MTUS1: variants seen among roughly 807,000 people sequenced by gnomAD.
MTUS1 encodes the protein microtubule associated scaffold protein 1, also known as microtubule-associated tumor suppressor 1.
MTUS1 carries 109 observed loss-of-function variants against 120.8 expected under a neutral mutation model. The ratio of observed to expected loss-of-function variants is 0.90; its 90% confidence interval spans 0.77 to 1.06. The LOEUF (loss-of-function observed/expected upper bound fraction) is 1.06, where lower values mean the gene tolerates loss of function less well. Ranked by LOEUF, MTUS1 falls within the 50% of genes least tolerant of loss-of-function variation. The pLI, the probability that MTUS1 is intolerant of heterozygous loss-of-function variation, is 0.00. For missense variants in MTUS1, 2,210 were observed against 1,486.3 expected, an observed-to-expected ratio of 1.49 and a Z score of -8.01; for synonymous variants, 737 against 550.5, an observed-to-expected ratio of 1.34 and a Z score of -4.74.
intron 6 of MTUS1, among the ~76,000 whole-genome samples, chr8:17,690,193 A>G (rs993991288): frequency 6.6e-6 from 1 of 152,166 alleles, no homozygotes; most frequent in African/African-American, 2.4e-5. Context: ...TACAACCCCA[A>G]TAAAAAATGG....
chr8:17,659,928 C>T (rs989608458), intron 8 of MTUS1, among the ~76,000 whole-genome samples: 2 of 152,138 alleles, frequency 1.3e-5, no homozygotes, highest in East Asian at 3.9e-4. Flanking sequence ...TACTTTCTTT[C>T]TCTATGAATC....
chr8:17,663,367 C>T (rs368420849), intron 8 of MTUS1, among the ~76,000 whole-genome samples: 3 of 152,166 alleles, frequency 2.0e-5, no homozygotes, highest in African/African-American at 7.2e-5. Flanking sequence ...AGCCATGGCC[C>T]GACATTGTTA....
chr8:17,783,266 G>C (rs549757497), intron 1 of MTUS1, among the ~76,000 whole-genome samples: 3 of 152,328 alleles, frequency 2.0e-5, no homozygotes, highest in Non-Finnish European at 4.4e-5. Flanking sequence ...GTGAAGGTGA[G>C]TGAGGTGTTC....
At chr8:17,697,242 C>G (rs887650401) in intron 6 of MTUS1, 2 of 1,600,124 alleles carry the variant, frequency 1.2e-6, no homozygotes, top group African/African-American at 2.7e-5. Flanking sequence ...AAACAGAGAT[C>G]TATGCGAGAC....
Position 17,648,411 on chromosome 8 carries a change from T to C in MTUS1, c.3502-1332A>G, listed in dbSNP as rs147215689. ...GGTAAGTTTACAGCAAAGTCTGATT[T>C]ATTGCACATGATTTTTTGAAAGTTT... On this transcript the variant is annotated intron_variant, in intron 13 of 14. Coordinates refer to ENST00000693296, the MANE Select transcript of MTUS1 (RefSeq NM_001363059.2). 1.8e-3 allele frequency among the ~76,000 whole-genome samples: 273 copies of C among 152,310 alleles called. 1 individual carries two copies. Among genetic ancestry groups the C allele is most frequent in the African/African-American group, 6.4e-3 (264 of 41,556 alleles).
chr8:17,784,336 C>T (rs1159176382), intron 1 of MTUS1, among the ~76,000 whole-genome samples: 1 of 131,228 alleles, frequency 7.6e-6, no homozygotes, highest in African/African-American at 3.0e-5. Context: ...ACTCTTGTTG[C>T]CCAGGCTAGA....
In MTUS1 at chr8:17,773,676, G is replaced by A. The variant is rs80090533; in HGVS notation, c.-154-17715C>T. On this transcript the variant is annotated intron_variant, in intron 1 of 14. Transcript: ENST00000693296. ...TTAGGAAGCCACCAGTCCCATCATG[G>A]GGTCCACACCTGATGAAATTATCTA... is the stretch of plus-strand genomic sequence containing the variant. 4.9e-3 allele frequency among the ~76,000 whole-genome samples: 740 copies of A among 152,154 alleles called. 3 individuals carry two copies. Among genetic ancestry groups the A allele is most frequent in the Non-Finnish European group, 4.9e-3 (331 of 68,014 alleles).
chr8:17,724,211 T>TAAA, intron 3 of MTUS1: 1 of 364,972 alleles, frequency 2.7e-6, no homozygotes, highest in Non-Finnish European at 5.4e-6. Context: ...TACTGGTGAC[T>TAAA]AAAAAAAAAA....
chr8:17,754,137 C>G lies in MTUS1; in HGVS notation c.1671G>C (p.Pro557=), dbSNP rs745717647. 6.2e-7 allele frequency: 1 copy of G among 1,613,636 alleles called. No individual in the cohort carries two copies. Among genetic ancestry groups the G allele is most frequent in the South Asian group, 1.1e-5 (1 of 91,042 alleles). ...TTTTGTCTGCATTCAAGTCAGATCT[C>G]GGTGTTCTGCTCAAGACTGTTTGTT... The part of the protein sequence containing the change: ...SRQQTVLSRT[P]RSDLNADKKA... Residue 557 remains proline, a synonymous_variant, in exon 2 of 15, where the codon CCG becomes CCC. Transcript: ENST00000693296.
intron 1 of MTUS1, among the ~76,000 whole-genome samples, chr8:17,795,236 C>G (rs777858570): frequency 6.6e-6 from 1 of 152,208 alleles, no homozygotes; most frequent in Non-Finnish European, 1.5e-5. Context: ...TACGCCTCTT[C>G]TTCCTAGTCT....
chr8:17,727,218 C>T (rs1374993087), intron 3 of MTUS1, among the ~76,000 whole-genome samples: 1 of 152,160 alleles, frequency 6.6e-6, no homozygotes, highest in Non-Finnish European at 1.5e-5. Context: ...AGATTAGTTT[C>T]TTTGATAGAA....
chr8:17,795,465 T>C (rs996568597), intron 1 of MTUS1, among the ~76,000 whole-genome samples: 1 of 151,792 alleles, frequency 6.6e-6, no homozygotes, highest in Non-Finnish European at 1.5e-5. Context: ...GGTCATTTAA[T>C]GGTTTAAAAA....
intron 10 of MTUS1, 131 bp from the exon 11 acceptor site, chr8:17,653,629 C>G (rs780505038): frequency 8.5e-5 from 56 of 657,968 alleles, no homozygotes; most frequent in Non-Finnish European, 1.3e-4. Flanking sequence ...CTATAGTATG[C>G]TTTTATGTAA....
intron 9 of MTUS1, among the ~76,000 whole-genome samples, 155 bp downstream of exon 9, chr8:17,655,708 G>A (rs1420667804): frequency 1.3e-5 from 2 of 152,220 alleles, no homozygotes; most frequent in Admixed American, 6.5e-5. Context: ...TCCAGCCTGG[G>A]AGACAGAGTG....
chr8:17,778,210 T>G (rs576127058), intron 1 of MTUS1, among the ~76,000 whole-genome samples: 1 of 152,238 alleles, frequency 6.6e-6, no homozygotes, highest in Admixed American at 6.5e-5. Flanking sequence ...AGGTAAACCA[T>G]TGATACACAA....
intron 2 of MTUS1, among the ~76,000 whole-genome samples, chr8:17,747,425 T>C (rs2047851009): frequency 6.6e-6 from 1 of 152,084 alleles, no homozygotes; most frequent in African/African-American, 2.4e-5. Context: ...CACTCCCAAC[T>C]TAGCAATCAA....
chr8:17,719,550 T>C (rs949942324), intron 4 of MTUS1, among the ~76,000 whole-genome samples: 4 of 152,210 alleles, frequency 2.6e-5, no homozygotes, highest in Non-Finnish European at 5.9e-5. Flanking sequence ...CAGAAGTGCG[T>C]AAGTACTAAC....
intron 1 of MTUS1, among the ~76,000 whole-genome samples, chr8:17,797,594 G>A (rs1344723404): frequency 1.3e-5 from 2 of 152,080 alleles, no homozygotes; most frequent in African/African-American, 4.8e-5. Flanking sequence ...TTCATTTCCT[G>A]TGGGTGGGAT....
intron 1 of MTUS1, among the ~76,000 whole-genome samples, chr8:17,799,631 A>G (rs1478634337): frequency 6.6e-6 from 1 of 152,146 alleles, no homozygotes; most frequent in African/African-American, 2.4e-5. Flanking sequence ...TCCAAAAAAT[A>G]TAAGATATTA....
Sources: gnomAD v4.1 joint callset for allele counts (sites outside exome capture counted in the v4.1 genomes callset) on GRCh38, gnomAD v4.1.1 for gene constraint, MANE v1.5 for transcripts, NCBI Gene and HGNC (gene_info 2026-07-23, HGNC 2026-07-21) for gene names.